The following C10orf90 variants were observed in gnomAD, a reference collection of about 807,000 sequenced individuals.
The protein encoded by C10orf90 is chromosome 10 open reading frame 90.
A neutral mutation model predicts 62.5 loss-of-function variants in C10orf90; 56 were observed. The ratio of observed to expected loss-of-function variants is 0.90; its 90% confidence interval spans 0.72 to 1.12. The LOEUF (loss-of-function observed/expected upper bound fraction) is 1.12, where lower values mean the gene tolerates loss of function less well. C10orf90 is among the 50% of genes most tolerant of loss of function. C10orf90 has a pLI of 0.00. For synonymous variants in C10orf90, 386 were observed against 340.4 expected, an observed-to-expected ratio of 1.13 and a Z score of -1.47; for missense variants, 970 against 880.4, an observed-to-expected ratio of 1.10 and a Z score of -1.29.
At chr10:126,478,673 G>GGGGTGTGACCATCTCGGA (rs1861021336) in intron 4 of C10orf90, among the ~76,000 whole-genome samples, 1 of 152,110 alleles carries the variant, frequency 6.6e-6, no homozygotes, top group African/African-American at 2.4e-5. Context: ...ATGCGAGTTA[G>GGGGTGTGACCATCTCGGA]GGGTGTGACC....
rs549659909 is a variant in C10orf90 at position 126,652,973 on chromosome 10, T to C, written c.241-6336A>G. On this transcript the variant is annotated intron_variant, in intron 1 of 9. Coordinates refer to ENST00000488181, the MANE Select transcript of C10orf90 (RefSeq NM_001350921.2). ...ATGAATTTTTTGGCTTCCCAGGACATAGAAATGTTGTTTACACTATATTAT... is the reference window on the plus strand; with the variant it reads ...ATGAATTTTTTGGCTTCCCAGGACACAGAAATGTTGTTTACACTATATTAT... Among the ~76,000 whole-genome samples the C allele has an allele frequency of 4.6e-5, 7 of 152,342 alleles. No homozygotes were observed. The East Asian group carries it at 7.7e-4, about 17-fold the overall frequency.
At chr10:126,546,360 C>T (rs1215973295) in intron 2 of C10orf90, among the ~76,000 whole-genome samples, 1 of 152,242 alleles carries the variant, frequency 6.6e-6, no homozygotes, top group Non-Finnish European at 1.5e-5. Flanking sequence ...AATTCTCACC[C>T]CTGCCTGCCC....
At chr10:126,579,008 C>G (rs1844685263) in intron 2 of C10orf90, among the ~76,000 whole-genome samples, 1 of 151,972 alleles carries the variant, frequency 6.6e-6, no homozygotes, top group Non-Finnish European at 1.5e-5. Flanking sequence ...ACTCATGAGA[C>G]TGTACACTTG....
At chr10:126,614,372 G>A (rs1224719593) in intron 2 of C10orf90, among the ~76,000 whole-genome samples, 1 of 152,142 alleles carries the variant, frequency 6.6e-6, no homozygotes, top group Non-Finnish European at 1.5e-5. Flanking sequence ...ATAAAAATGT[G>A]ATAAATACTC....
At chr10:126,553,727 G>A (rs776741462) in intron 2 of C10orf90, among the ~76,000 whole-genome samples, 15 of 152,100 alleles carry the variant, frequency 9.9e-5, no homozygotes, top group Non-Finnish European at 2.2e-4. Context: ...CTAGGTTTCT[G>A]TACATATACT....
intron 7 of C10orf90, among the ~76,000 whole-genome samples, chr10:126,434,563 C>A (rs1304213587): frequency 6.6e-6 from 1 of 152,126 alleles, no homozygotes; most frequent in Non-Finnish European, 1.5e-5. Context: ...TTAGAAACAC[C>A]AAAACCAAGA....
chr10:126,477,079 T>G (rs1368194719), intron 4 of C10orf90, among the ~76,000 whole-genome samples: 8 of 6,620 alleles, frequency 1.2e-3, no homozygotes, highest in African/African-American at 0.011. Context: ...CTGGCTAATT[T>G]TTTTTTTTTT....
intron 1 of C10orf90, among the ~76,000 whole-genome samples, chr10:126,664,253 C>T (rs1475357456): frequency 6.6e-6 from 1 of 151,942 alleles, no homozygotes; most frequent in African/African-American, 2.4e-5. Context: ...AGTGTTTTGC[C>T]CCAATTTAAA....
chr10:126,516,905 T>C (rs1863467406), intron 2 of C10orf90, among the ~76,000 whole-genome samples: 1 of 130,268 alleles, frequency 7.7e-6, no homozygotes, highest in South Asian at 2.5e-4. Flanking sequence ...AAACTTCTGC[T>C]TCCAATATCA....
intron 8 of C10orf90, among the ~76,000 whole-genome samples, chr10:126,428,813 A>G (rs1460681243): frequency 6.6e-6 from 1 of 152,184 alleles, no homozygotes; most frequent in Non-Finnish European, 1.5e-5. Flanking sequence ...CAAGTCTTAA[A>G]GCCCAGTGGC....
intron 1 of C10orf90, among the ~76,000 whole-genome samples, chr10:126,656,808 G>A (rs1846404171): frequency 6.6e-6 from 1 of 152,172 alleles, no homozygotes; most frequent in Non-Finnish European, 1.5e-5. Context: ...TGAACTGTAT[G>A]CTTCAAAAAC....
At chr10:126,605,548 A>T (rs981756403) in intron 2 of C10orf90, among the ~76,000 whole-genome samples, 1 of 152,144 alleles carries the variant, frequency 6.6e-6, no homozygotes, top group African/African-American at 2.4e-5. Flanking sequence ...CATCCAGGAG[A>T]GGAGAAAAGA....
intron 2 of C10orf90, among the ~76,000 whole-genome samples, chr10:126,634,668 G>A (rs1166868186): frequency 6.6e-6 from 1 of 152,200 alleles, no homozygotes; most frequent in Admixed American, 6.5e-5. Flanking sequence ...TATGATGAGT[G>A]TCTTATATCT....
intron 2 of C10orf90, among the ~76,000 whole-genome samples, chr10:126,557,052 A>T (rs1341554411): frequency 6.6e-6 from 1 of 150,798 alleles, no homozygotes; most frequent in African/African-American, 2.4e-5. Flanking sequence ...TTACTTTTGC[A>T]CCAACCTAAT....
intron 1 of C10orf90, among the ~76,000 whole-genome samples, chr10:126,662,295 G>A (rs1846532018): frequency 6.6e-6 from 1 of 152,090 alleles, no homozygotes; most frequent in African/African-American, 2.4e-5. Flanking sequence ...CTACATTCCA[G>A]GTGGTAAAGG....
At chr10:126,669,886 A>G (rs372469790) in intron 1 of C10orf90, among the ~76,000 whole-genome samples, 1 of 152,220 alleles carries the variant, frequency 6.6e-6, no homozygotes, top group East Asian at 1.9e-4. Flanking sequence ...AAGACAGGTG[A>G]TTGCAAACAT....
At chr10:126,447,812 T>C (rs1271321365) in intron 7 of C10orf90, among the ~76,000 whole-genome samples, 1 of 146,256 alleles carries the variant, frequency 6.8e-6, no homozygotes, top group African/African-American at 2.6e-5. Flanking sequence ...ATTTAGATGA[T>C]AGAAATCATA....
At chr10:126,649,080 C>CCA (rs1554932183) in intron 1 of C10orf90, among the ~76,000 whole-genome samples, 9 of 118,812 alleles carry the variant, frequency 7.6e-5, no homozygotes, top group South Asian at 3.2e-4. Flanking sequence ...CTCCCCCCCC[C>CCA]CCAGCAATTC....
intron 2 of C10orf90, among the ~76,000 whole-genome samples, chr10:126,597,142 G>A (rs1183144474): frequency 6.6e-6 from 1 of 152,308 alleles, no homozygotes; most frequent in Non-Finnish European, 1.5e-5. Context: ...ATACTGTTTG[G>A]CAATTTCTTA....
Sources: allele counts gnomAD v4.1 joint callset (sites outside exome capture counted in the v4.1 genomes callset), GRCh38; gene constraint gnomAD v4.1.1; transcripts MANE v1.5; gene names NCBI Gene and HGNC (gene_info 2026-07-23, HGNC 2026-07-21).